GPC6: variants seen among roughly 807,000 people sequenced by gnomAD.
The protein encoded by GPC6 is glypican 6.
GPC6 carries 14 observed loss-of-function variants against 55.2 expected under a neutral mutation model. That is an observed-to-expected ratio of 0.25 (90% CI 0.17 to 0.40). The LOEUF is 0.40. Among genes scored for constraint, GPC6 ranks in the 10% least tolerant of loss-of-function variants. The probability of loss-of-function intolerance (pLI) is 1.00; values close to 1 mark genes in which losing one functional copy is unlikely to be tolerated. For synonymous variants in GPC6, 278 were observed against 259.6 expected (o/e 1.07, Z -0.68); for missense variants, 641 against 708.5 (o/e 0.90, Z 1.08).
At chr13:93,946,726 C>T (rs912068897) in intron 3 of GPC6, among the ~76,000 whole-genome samples, 6 of 152,194 alleles carry the variant, frequency 3.9e-5, no homozygotes, top group African/African-American at 1.2e-4. Flanking sequence ...CAACCCCAAG[C>T]TCATCCATTC....
intron 3 of GPC6, among the ~76,000 whole-genome samples, chr13:93,945,523 G>T (rs1451529338): frequency 6.6e-6 from 1 of 152,188 alleles, no homozygotes; most frequent in African/African-American, 2.4e-5. Context: ...GACATCTTAC[G>T]TGGTGAGATT....
At chr13:93,476,960 T>C (rs1879323807) in intron 1 of GPC6, among the ~76,000 whole-genome samples, 1 of 152,150 alleles carries the variant, frequency 6.6e-6, no homozygotes, top group South Asian at 2.1e-4. Flanking sequence ...TATAATCCAC[T>C]TAAAAACATT....
chr13:94,033,931 C>T, intron 4 of GPC6, among the ~76,000 whole-genome samples: 1 of 152,088 alleles, frequency 6.6e-6, no homozygotes, highest in East Asian at 1.9e-4. Flanking sequence ...AAAGCCAAAG[C>T]AATTATTTTA....
intron 3 of GPC6, among the ~76,000 whole-genome samples, chr13:93,924,342 C>T (rs1329744245): frequency 6.6e-6 from 1 of 152,212 alleles, no homozygotes; most frequent in East Asian, 1.9e-4. Context: ...AGTGGCAACA[C>T]GCAGCCTGCA....
intron 1 of GPC6, among the ~76,000 whole-genome samples, chr13:93,401,162 G>A (rs1307141913): frequency 6.2e-5 from 1 of 16,172 alleles, no homozygotes; most frequent in African/African-American, 1.3e-4. Context: ...TGTCGTGTGT[G>A]TGTGTGTGTG....
At chr13:94,363,086 C>T (rs567712072) in intron 6 of GPC6, among the ~76,000 whole-genome samples, 6 of 152,132 alleles carry the variant, frequency 3.9e-5, no homozygotes, top group South Asian at 2.1e-4. Context: ...TTGCCCTTCC[C>T]GTGTCCATGT....
At chr13:94,153,483 A>G (rs1170425101) in intron 4 of GPC6, among the ~76,000 whole-genome samples, 1 of 152,158 alleles carries the variant, frequency 6.6e-6, no homozygotes, top group Non-Finnish European at 1.5e-5. Context: ...GACTTATTTG[A>G]TCCCCTCACC....
chr13:93,676,108 A>G (rs1481980678), intron 2 of GPC6, among the ~76,000 whole-genome samples: 1 of 8,944 alleles, frequency 1.1e-4, no homozygotes. Context: ...GTTTCTACTA[A>G]AAAAAAAAAA....
At chr13:93,363,819 T>C (rs1206604802) in intron 1 of GPC6, among the ~76,000 whole-genome samples, 1 of 151,986 alleles carries the variant, frequency 6.6e-6, no homozygotes, top group Non-Finnish European at 1.5e-5. Context: ...TTTTTAATGA[T>C]TGCCATTCTG....
intron 3 of GPC6, among the ~76,000 whole-genome samples, chr13:93,883,984 T>A (rs1338847802): frequency 6.6e-6 from 1 of 152,146 alleles, no homozygotes; most frequent in Non-Finnish European, 1.5e-5. Flanking sequence ...TTGTTACATA[T>A]AAAATCTGTA....
intron 4 of GPC6, among the ~76,000 whole-genome samples, chr13:94,115,596 A>G (rs1886407559): frequency 6.6e-6 from 1 of 152,084 alleles, no homozygotes; most frequent in South Asian, 2.1e-4. Flanking sequence ...TCTGTAATCC[A>G]GGTAGAAGAG....
At chr13:93,319,487 C>G (rs1030529418) in intron 1 of GPC6, among the ~76,000 whole-genome samples, 1 of 152,088 alleles carries the variant, frequency 6.6e-6, no homozygotes, top group African/African-American at 2.4e-5. Context: ...GATGCTATTA[C>G]TGTCAGAGCT....
chr13:93,325,242 G>A (rs1879613604), intron 1 of GPC6, among the ~76,000 whole-genome samples: 1 of 152,066 alleles, frequency 6.6e-6, no homozygotes, highest in South Asian at 2.1e-4. Context: ...TTTTATACTG[G>A]TGTTTGGTTT....
chr13:93,723,091 A>G (rs1197897897), intron 2 of GPC6, among the ~76,000 whole-genome samples: 1 of 151,972 alleles, frequency 6.6e-6, no homozygotes, highest in Non-Finnish European at 1.5e-5. Context: ...ATTTGACAAC[A>G]TTTAGCTCAA....
At chr13:93,546,503 G>A (rs1400647130) in intron 2 of GPC6, among the ~76,000 whole-genome samples, 2 of 152,202 alleles carry the variant, frequency 1.3e-5, no homozygotes, top group Non-Finnish European at 1.5e-5. Flanking sequence ...TTCTGTGTAA[G>A]TGACCGGAGT....
In GPC6 at chr13:94,108,018, C is replaced by G. The variant is rs538088848; in HGVS notation, c.877+80124C>G. ...ACTAAAAGTAGAACTACCATTTGATCCAGCAATCTCACTTCTGGGTATCTA... is the reference window on the plus strand; with the variant it reads ...ACTAAAAGTAGAACTACCATTTGATGCAGCAATCTCACTTCTGGGTATCTA... On this transcript the variant is annotated intron_variant, in intron 4 of 8. Transcript: ENST00000377047. 2.0e-5 allele frequency among the ~76,000 whole-genome samples: 3 copies of G among 152,130 alleles called. No homozygotes were observed. The South Asian group carries it at 6.3e-4, about 32-fold the overall frequency.
chr13:93,968,456 G>A (rs746193413), intron 3 of GPC6, among the ~76,000 whole-genome samples: 1 of 151,986 alleles, frequency 6.6e-6, no homozygotes, highest in African/African-American at 2.4e-5. Context: ...CAGTTCACTT[G>A]TATTATACTC....
chr13:94,177,842 A>G (rs1888838688), intron 4 of GPC6, among the ~76,000 whole-genome samples: 1 of 152,184 alleles, frequency 6.6e-6, no homozygotes, highest in Non-Finnish European at 1.5e-5. Flanking sequence ...ATGACCAAGT[A>G]TAAAGACAAC....
rs74111406 is a variant in GPC6, at chr13:94,020,901, A to T, written c.712-6828A>T. Among the ~76,000 whole-genome samples, 744 of 152,290 alleles carry T rather than the reference A, an allele frequency of 4.9e-3. 8 individuals are homozygous for T. Among genetic ancestry groups the T allele is most frequent in the African/African-American group, 0.015 (641 of 41,572 alleles). On this transcript the variant is annotated intron_variant, in intron 3 of 8. Coordinates refer to ENST00000377047, the MANE Select transcript of GPC6 (RefSeq NM_005708.5). The stretch of plus-strand genomic sequence containing the variant: ...TTATAGGTTACTATTAAAGAATCAA[A>T]ATCAGAAATATTTAACACAAAAGAT...
Sources: allele counts gnomAD v4.1 joint callset (sites outside exome capture counted in the v4.1 genomes callset), GRCh38; gene constraint gnomAD v4.1.1; transcripts MANE v1.5; gene names NCBI Gene and HGNC (gene_info 2026-07-23, HGNC 2026-07-21).